Variants in ZNF560 observed in about 807,000 individuals in gnomAD.
The protein encoded by ZNF560 is zinc finger protein 560.
In ZNF560, 54 loss-of-function variants were observed where a neutral mutation model predicts 81.8. The ratio of observed to expected loss-of-function variants is 0.66; its 90% CI spans 0.53 to 0.83. The LOEUF (loss-of-function observed/expected upper bound fraction) is 0.83. Among genes scored for constraint, ZNF560 ranks in the 40% least tolerant of loss-of-function variants. The pLI, the probability that ZNF560 is intolerant of heterozygous loss-of-function variation, is 0.00. For synonymous variants in ZNF560, 321 were observed against 317.9 expected (o/e 1.01, Z -0.10); for missense variants, 940 against 932.4 (o/e 1.01, Z -0.11).
the ZNF560 span, among the ~76,000 whole-genome samples, chr19:9,454,902 C>G: frequency 6.6e-6 from 1 of 152,052 alleles, no homozygotes; most frequent in Admixed American, 6.6e-5. Context: ...GATCCGTCAA[C>G]CACTTAAAGA....
rs781051876 is a variant in ZNF560 at position 9,467,416 on chromosome 19, T to A, written c.1531A>T (p.Thr511Ser). ...TAACACTTAAAGGGCTTCTCACCAG[T>A]GTGAGTTCTCAAATGAGCAAAAAGA... ...SSLFAHLRTH[T>S]GEKPFKCYKC... The change falls in exon 10 of 10, where the codon ACT becomes TCT. Residue 511 changes from threonine (T) to serine (S), a missense_variant. Transcript: ENST00000301480. The A allele has an allele frequency of 6.2e-7, 1 of 1,614,130 alleles. No homozygotes were observed. Among genetic ancestry groups the A allele is most frequent in the South Asian group, 1.1e-5 (1 of 91,076 alleles).
At position 9,482,038 on chromosome 19, in the gene ZNF560, T is replaced by C. The variant is rs554595879; in HGVS notation, c.-56-6669A>G. ...TGGAACCAACCCAAATGTCAATCAA[T>C]GATAGACTGGATTAAGAAAATGTGG... On this transcript the variant is annotated intron_variant, in intron 2 of 9. Transcript: ENST00000301480. Among the ~76,000 whole-genome samples the C allele has an allele frequency of 7.2e-5, 11 of 152,268 alleles. No homozygotes were observed. In the South Asian group the frequency reaches 2.3e-3, roughly 32 times the overall value.
chr19:9,501,606 C>T (rs1237889670), upstream of ZNF560, among the ~76,000 whole-genome samples: 1 of 151,752 alleles, frequency 6.6e-6, no homozygotes, highest in Non-Finnish European at 1.5e-5. Context: ...GGTGATCCGC[C>T]CATCTCAGCC....
At position 9,473,526 on chromosome 19, in the gene ZNF560, C is replaced by T. The variant is rs1003691042; in HGVS notation, c.158-267G>A. Among the ~76,000 whole-genome samples the T allele has an allele frequency of 1.1e-4, 17 of 151,014 alleles. 1 individual carries two copies. The highest frequency in any genetic ancestry group is 4.2e-4 in the South Asian group (2 of 4,786). On this transcript the variant is annotated intron_variant, in intron 4 of 9. Coordinates refer to ENST00000301480, the MANE Select transcript of ZNF560 (RefSeq NM_152476.3). ...CCAGGAGGCAGAGGTTGCAGTGAGC[C>T]GAGATCATGCCACTGCACTCCATCC...
intron 2 of ZNF560, among the ~76,000 whole-genome samples, chr19:9,490,382 G>A (rs1293511107): frequency 5.9e-5 from 9 of 152,146 alleles, no homozygotes; most frequent in Admixed American, 4.6e-4. Flanking sequence ...AGACAATGAG[G>A]CCACATCGAA....
intron 2 of ZNF560, among the ~76,000 whole-genome samples, chr19:9,489,167 C>A (rs1306416081): frequency 6.6e-6 from 1 of 152,232 alleles, no homozygotes; most frequent in Non-Finnish European, 1.5e-5. Context: ...GCAGAAAGAT[C>A]ACACACAAGG....
upstream of ZNF560, among the ~76,000 whole-genome samples, chr19:9,503,558 A>G (rs1291868222): frequency 2.0e-5 from 3 of 152,174 alleles, no homozygotes; most frequent in Non-Finnish European, 4.4e-5. Context: ...GTTTTGAGAA[A>G]GGATCTTGCT....
chr19:9,457,260 C>T, the ZNF560 span, among the ~76,000 whole-genome samples: 7 of 152,180 alleles, frequency 4.6e-5, no homozygotes, highest in South Asian at 1.4e-3. Context: ...GGCATTACAG[C>T]CAGGACTGCC....
the ZNF560 span, among the ~76,000 whole-genome samples, chr19:9,449,458 C>CA: frequency 6.6e-6 from 1 of 151,652 alleles, no homozygotes; most frequent in East Asian, 1.9e-4. Context: ...TTAATGAAGG[C>CA]AAAAAAACAA....
intron 2 of ZNF560, among the ~76,000 whole-genome samples, chr19:9,493,075 A>G (rs2112527): frequency 0.15 from 22,915 of 152,222 alleles, 2,586 homozygotes; most frequent in African/African-American, 0.31. Context: ...CTGGGGTACT[A>G]CTATACAACT....
At chr19:9,465,154 T>C (rs531984287), downstream of ZNF560, among the ~76,000 whole-genome samples, 1 of 138,018 alleles carries the variant, frequency 7.2e-6, no homozygotes, top group South Asian at 2.4e-4. Context: ...TTTTTTGAGA[T>C]GGAGTCTCGC....
intron 2 of ZNF560, among the ~76,000 whole-genome samples, chr19:9,475,800 G>A (rs565097690): frequency 8.0e-4 from 121 of 152,044 alleles, no homozygotes; most frequent in African/African-American, 2.8e-3. Flanking sequence ...TAGAGATGGG[G>A]TTTCACCGTG....
intron 2 of ZNF560, among the ~76,000 whole-genome samples, chr19:9,489,469 A>G (rs772810684): frequency 1.3e-5 from 2 of 151,924 alleles, no homozygotes; most frequent in African/African-American, 4.8e-5. Context: ...GATGCTCCTC[A>G]CTTTCCAGAC....
the ZNF560 span, among the ~76,000 whole-genome samples, chr19:9,454,857 G>T: frequency 6.6e-6 from 1 of 152,080 alleles, no homozygotes; most frequent in African/African-American, 2.4e-5. Flanking sequence ...AGAAGAGAGG[G>T]AGTGTGATAA....
At chr19:9,458,320 A>C in the ZNF560 span, among the ~76,000 whole-genome samples, 2 of 152,252 alleles carry the variant, frequency 1.3e-5, no homozygotes, top group Non-Finnish European at 2.9e-5. Context: ...AAATGACTAA[A>C]TCAAACCAAT....
downstream of ZNF560, among the ~76,000 whole-genome samples, chr19:9,465,942 C>T (rs530610464): frequency 6.6e-5 from 10 of 151,990 alleles, no homozygotes; most frequent in South Asian, 1.2e-3. Context: ...TGCAGTGAGC[C>T]GAGATCATGC....
chr19:9,476,530 T>A (rs1156920144), intron 2 of ZNF560, among the ~76,000 whole-genome samples: 1 of 152,128 alleles, frequency 6.6e-6, no homozygotes, highest in East Asian at 1.9e-4. Flanking sequence ...GACCTTGTGA[T>A]CCACCTGCCT....
upstream of ZNF560, among the ~76,000 whole-genome samples, chr19:9,501,327 TTGTG>T (rs71185606): frequency 0.12 from 12,884 of 108,784 alleles, 836 homozygotes; most frequent in African/African-American, 0.17. Context: ...CCTGGCTACT[TTGTG>T]TGTGTGTGTG....
At chr19:9,459,840 T>G in the ZNF560 span, among the ~76,000 whole-genome samples, 1 of 152,162 alleles carries the variant, frequency 6.6e-6, no homozygotes, top group African/African-American at 2.4e-5. Flanking sequence ...TAGACTGTAG[T>G]GCAGCGGGGC....
Sources: gnomAD v4.1 joint callset for allele counts (sites outside exome capture counted in the v4.1 genomes callset) on GRCh38, gnomAD v4.1.1 for gene constraint, MANE v1.5 for transcripts, NCBI Gene and HGNC (gene_info 2026-07-23, HGNC 2026-07-21) for gene names.